WDCP: variants seen among roughly 807,000 people sequenced by gnomAD.
The protein encoded by WDCP is WD repeat and coiled-coil-containing protein.
Under a neutral mutation model 41.6 loss-of-function variants are expected in WDCP, and 19 were observed. The ratio of observed to expected loss-of-function variants is 0.46; its 90% CI spans 0.32 to 0.67. WDCP has a LOEUF of 0.67. WDCP is among the 30% of genes least tolerant of loss of function. WDCP has a pLI of 0.04. For missense variants in WDCP, 802 were observed against 850.7 expected (o/e 0.94, Z 0.71); for synonymous variants, 302 against 320.8 (o/e 0.94, Z 0.63).
At position 24,038,755 on chromosome 2, in the gene WDCP, G is replaced by T. The variant is rs914661593; in HGVS notation, c.740C>A (p.Thr247Asn). ...FNIPPNSKDM[T>N]PYALPVIGEV... ...ACCAATAACTGGTAAAGCATACGGAGTCATGTCTTTACTGTTAGGTGGGAT... is the reference window on the plus strand; with the variant it reads ...ACCAATAACTGGTAAAGCATACGGATTCATGTCTTTACTGTTAGGTGGGAT... The change falls in exon 2 of 4, where the codon ACT becomes AAT. Residue 247 changes from threonine to asparagine, a missense_variant. Coordinates refer to ENST00000295148, the MANE Select transcript of WDCP (RefSeq NM_025203.3). 6.2e-7 allele frequency: 1 copy of T among 1,614,066 alleles called. No individual in the cohort carries two copies. Among genetic ancestry groups the T allele is most frequent in the South Asian group, 1.1e-5 (1 of 91,084 alleles).
In WDCP at chr2:24,037,750, A is replaced by C; in HGVS notation, c.1745T>G (p.Leu582Arg). The C allele has an allele frequency of 6.2e-7, 1 of 1,614,272 alleles. No homozygotes were observed. The highest frequency in any genetic ancestry group is 8.5e-7 in the Non-Finnish European group (1 of 1,180,042). The change falls in exon 2 of 4, where the codon CTG becomes CGG. Residue 582 changes from leucine to arginine, a missense_variant. By Grantham distance (102) the Leu-to-Arg change is moderately radical. Coordinates refer to ENST00000295148, the MANE Select transcript of WDCP (RefSeq NM_025203.3). ...QRCLSELTNR[L>R]HNGKKSSSVY... is the part of the protein sequence containing the mutation. ...TGAAGAGGATTTCTTCCCATTATGC[A>C]GACGGTTTGTAAGTTCAGAAAGACA...
At chr2:24,040,636 A>T (rs1274558913) in intron 1 of WDCP, among the ~76,000 whole-genome samples, 2 of 152,244 alleles carry the variant, frequency 1.3e-5, no homozygotes, top group Non-Finnish European at 2.9e-5. Flanking sequence ...ATAATCTTTT[A>T]AAATAATGTA....
Position 24,032,962 on chromosome 2 carries a change from A to T in WDCP, c.1819-16T>A. ...AATAAGGTTTCTGCAAATAAAAAAT[A>T]AAAGTTGTTAAACTGATTGCAGAAG... is the stretch of plus-strand genomic sequence containing the variant. On this transcript the variant is annotated splice_polypyrimidine_tract_variant and intron_variant, in intron 2 of 3. Transcript: ENST00000295148. The T allele has an allele frequency of 6.9e-7, 1 of 1,443,012 alleles. No individual in the cohort carries two copies. Among genetic ancestry groups the T allele is most frequent in the South Asian group, 1.1e-5 (1 of 86,980 alleles). 89.4% of individuals were successfully genotyped at this position (1,443,012 alleles called of 1,614,324 possible).
intron 1 of WDCP, among the ~76,000 whole-genome samples, chr2:24,044,897 T>C (rs1663565137): frequency 6.8e-6 from 1 of 147,978 alleles, no homozygotes. Context: ...AATCCCCACA[T>C]CTACAGTATA....
chr2:24,032,512 A>G (rs1663125136), intron 3 of WDCP, among the ~76,000 whole-genome samples: 1 of 152,086 alleles, frequency 6.6e-6, no homozygotes, highest in Non-Finnish European at 1.5e-5. Flanking sequence ...CCAAAAAACA[A>G]ACAAACAAAC....
intron 2 of WDCP, 181 bp from the exon 3 acceptor site, chr2:24,033,127 A>G: frequency 1.4e-6 from 1 of 691,920 alleles, no homozygotes. Flanking sequence ...AATCCGAACA[A>G]AACAGCCTTA....
chr2:24,038,880 G>C lies in WDCP; in HGVS notation c.615C>G (p.His205Gln), dbSNP rs368152129. The change falls in exon 2 of 4, where the codon CAC (histidine) becomes CAG (glutamine). Residue 205 changes from histidine (H) to glutamine (Q), a missense_variant. By Grantham distance (24) the His-to-Gln change is conservative. This residue lies in a region of WDCP where 214 missense variants were observed against 252.9 expected (regional missense o/e 0.85). Transcript: ENST00000295148. ...CCACAGTTGCTGTGATGGAGCAGACGTGGCTGTCCACATCAAACACCAGGC... is the reference window on the plus strand; with the variant it reads ...CCACAGTTGCTGTGATGGAGCAGACCTGGCTGTCCACATCAAACACCAGGC... ...SSCLVFDVDS[H>Q]VCSITATVDS... 5.0e-6 allele frequency: 8 copies of C among 1,614,090 alleles called. No individual in the cohort carries two copies. Among genetic ancestry groups the C allele is most frequent in the African/African-American group, 1.3e-5 (1 of 74,942 alleles).
chr2:24,038,769 G>C lies in WDCP; in HGVS notation c.726C>G (p.Asn242Lys). Residue 242 changes from asparagine to lysine, a missense_variant, in exon 2 of 4, where the codon AAC becomes AAG. Physicochemically the swap from Asn to Lys is moderately conservative, Grantham distance 94. Transcript: ENST00000295148. ...NASETFNIPP[N>K]SKDMTPYALP... The stretch of plus-strand genomic sequence containing the variant: ...AAGCATACGGAGTCATGTCTTTACT[G>C]TTAGGTGGGATATTAAAGGTTTCAG... 6.2e-7 allele frequency: 1 copy of C among 1,614,208 alleles called. No individual in the cohort carries two copies. The highest frequency in any genetic ancestry group is 8.5e-7 in the Non-Finnish European group (1 of 1,180,040).
chr2:24,044,599 A>G (rs941453345), intron 1 of WDCP, among the ~76,000 whole-genome samples: 2 of 152,088 alleles, frequency 1.3e-5, no homozygotes, highest in Admixed American at 1.3e-4. Flanking sequence ...ATGAATTTTA[A>G]TATTGTCATC....
chr2:24,034,732 G>C (rs1190635209), intron 2 of WDCP, among the ~76,000 whole-genome samples: 1 of 151,834 alleles, frequency 6.6e-6, no homozygotes, highest in African/African-American at 2.4e-5. Context: ...TGCCATCACG[G>C]CTGGCTAATT....
intron 2 of WDCP, among the ~76,000 whole-genome samples, chr2:24,034,879 A>G (rs944001436): frequency 6.6e-5 from 10 of 152,096 alleles, no homozygotes; most frequent in Non-Finnish European, 1.5e-5. Flanking sequence ...CTGGCCAAAC[A>G]TGGTTGTTTT....
At chr2:24,036,528 C>T (rs1663262346) in intron 2 of WDCP, among the ~76,000 whole-genome samples, 1 of 152,146 alleles carries the variant, frequency 6.6e-6, no homozygotes, top group African/African-American at 2.4e-5. Context: ...AATCTGGTAA[C>T]TCAATTAAAA....
At chr2:24,046,244 A>C (rs74865717) in intron 1 of WDCP, among the ~76,000 whole-genome samples, 3,039 of 152,292 alleles carry the variant, frequency 0.02, 114 homozygotes, top group African/African-American at 0.069. Flanking sequence ...GGATTTGGAA[A>C]TCACTGACAT....
Position 24,031,038 on chromosome 2 carries a change from A to T in WDCP, c.2061T>A (p.Phe687Leu). ...LSRSDVFRDS[F>L]SHSPGAVSSL... ...AAGAAACAGCACCTGGACTGTGAGA[A>T]AAAGAGTCTCTGAAGACATCTGACC... Residue 687 changes from phenylalanine to leucine, a missense_variant, in exon 4 of 4, where the codon TTT (phenylalanine) becomes TTA (leucine). This residue lies in a region of WDCP where 321 missense variants were observed against 305.1 expected (regional missense o/e 1.05). Coordinates refer to ENST00000295148, the MANE Select transcript of WDCP (RefSeq NM_025203.3). 1 of 1,614,216 alleles carries T rather than the reference A, an allele frequency of 6.2e-7. No individual in the cohort carries two copies. Among genetic ancestry groups the T allele is most frequent in the East Asian group, 2.2e-5 (1 of 44,886 alleles).
chr2:24,037,776 C>G lies in WDCP; in HGVS notation c.1719G>C (p.Arg573=), dbSNP rs1200664800. ...ILSRNLVEMQ[R]CLSELTNRLH... is the part of the protein sequence containing the mutation. ...GACGGTTTGTAAGTTCAGAAAGACA[C>G]CGTTGCATTTCAACCAGGTTCCTAG... Residue 573 remains arginine (R), a synonymous_variant, in exon 2 of 4, where the codon CGG becomes CGC. Coordinates refer to ENST00000295148, the MANE Select transcript of WDCP (RefSeq NM_025203.3). 6.2e-7 allele frequency: 1 copy of G among 1,614,110 alleles called. No homozygotes were observed. The highest frequency in any genetic ancestry group is 8.5e-7 in the Non-Finnish European group (1 of 1,180,052).
At chr2:24,046,847 T>C (rs1319759382) in intron 1 of WDCP, among the ~76,000 whole-genome samples, 1 of 152,178 alleles carries the variant, frequency 6.6e-6, no homozygotes, top group Non-Finnish European at 1.5e-5. Context: ...CTGTGCAACT[T>C]TGTATCACGG....
intron 3 of WDCP, 141 bp downstream of exon 3, chr2:24,032,688 A>G (rs1468392492): frequency 1.6e-6 from 1 of 638,518 alleles, no homozygotes; most frequent in Non-Finnish European, 2.8e-6. Context: ...CTCAATAATA[A>G]TAATAATAAT....
chr2:24,038,866 G>C lies in WDCP; in HGVS notation c.629C>G (p.Thr210Arg), dbSNP rs895061534. The change falls in exon 2 of 4, where the codon ACA (threonine) becomes AGA (arginine). Residue 210 changes from threonine to arginine, a missense_variant. Thr to Arg is a moderately conservative substitution (Grantham distance 71). This residue lies in a region of WDCP where 7 missense variants were observed against 20.4 expected (regional missense o/e 0.34). Coordinates refer to ENST00000295148, the MANE Select transcript of WDCP (RefSeq NM_025203.3). Reference protein sequence around the residue: ...FDVDSHVCSITATVDSQVAIA... With the variant: ...FDVDSHVCSIRATVDSQVAIA... Reference sequence around the variant, plus strand: ...AGCAACCTGTGAGTCCACAGTTGCTGTGATGGAGCAGACGTGGCTGTCCAC... The same window carrying C: ...AGCAACCTGTGAGTCCACAGTTGCTCTGATGGAGCAGACGTGGCTGTCCAC... 1 of 1,614,114 alleles carries C rather than the reference G, an allele frequency of 6.2e-7. No individual in the cohort carries two copies. Among genetic ancestry groups the C allele is most frequent in the African/African-American group, 1.3e-5 (1 of 74,944 alleles).
intron 1 of WDCP, among the ~76,000 whole-genome samples, chr2:24,042,815 C>T (rs983422881): frequency 1.3e-5 from 2 of 152,028 alleles, no homozygotes; most frequent in African/African-American, 4.8e-5. Context: ...GGCAGATCAC[C>T]TGACCATCAG....
Sources: allele counts gnomAD v4.1 joint callset (sites outside exome capture counted in the v4.1 genomes callset), GRCh38; gene constraint gnomAD v4.1.1; regional missense constraint gnomAD v4.1.1; transcripts MANE v1.5; gene names NCBI Gene and HGNC (gene_info 2026-07-23, HGNC 2026-07-21).